SLC30A8: variants seen among roughly 807,000 people sequenced by gnomAD.
SLC30A8 encodes the protein proton-coupled zinc antiporter SLC30A8.
In SLC30A8, 27 loss-of-function variants were observed where a neutral mutation model predicts 36.9. The observed-to-expected ratio is 0.73, with a 90% CI of 0.54 to 1.01. The LOEUF is 1.01. Ranked by LOEUF, SLC30A8 falls within the 50% of genes least tolerant of loss-of-function variation. The pLI, the probability that SLC30A8 is intolerant of heterozygous loss-of-function variation, is 0.00. For missense variants in SLC30A8, 439 were observed against 452.0 expected (o/e 0.97, Z 0.26); for synonymous variants, 164 against 172.4 (o/e 0.95, Z 0.38).
chr8:117,074,582 C>T (rs1434441303), intron 2 of SLC30A8, among the ~76,000 whole-genome samples: 1 of 152,146 alleles, frequency 6.6e-6, no homozygotes, highest in South Asian at 2.1e-4. Context: ...AAATCTTTAT[C>T]ACCAACCCCA....
intron 1 of SLC30A8, among the ~76,000 whole-genome samples, chr8:117,009,358 A>G (rs1430010075): frequency 2.0e-5 from 3 of 152,224 alleles, no homozygotes; most frequent in Non-Finnish European, 2.9e-5. Context: ...CTGAGAGGGA[A>G]GAAAAAAAGA....
At chr8:116,976,035 TTAG>T (rs1202461439) in intron 1 of SLC30A8, among the ~76,000 whole-genome samples, 1 of 152,114 alleles carries the variant, frequency 6.6e-6, no homozygotes, top group East Asian at 1.9e-4. Context: ...GCCAGCAGGC[TTAG>T]GAAGCTTGTC....
At chr8:116,953,425 G>A (rs1456364253) in intron 1 of SLC30A8, among the ~76,000 whole-genome samples, 1 of 151,968 alleles carries the variant, frequency 6.6e-6, no homozygotes, top group African/African-American at 2.4e-5. Context: ...TCCATGCTGA[G>A]TCAAGTAGTG....
At chr8:117,168,387 T>G (rs1475883539) in intron 6 of SLC30A8, among the ~76,000 whole-genome samples, 1 of 152,166 alleles carries the variant, frequency 6.6e-6, no homozygotes, top group Non-Finnish European at 1.5e-5. Flanking sequence ...TCAAATGCAA[T>G]TATTTAATTA....
intron 2 of SLC30A8, among the ~76,000 whole-genome samples, chr8:117,087,003 T>C (rs2130821329): frequency 6.6e-6 from 1 of 152,342 alleles, no homozygotes. Context: ...TGTATGTATA[T>C]AGGCATTTCA....
chr8:116,978,442 A>G (rs1275805578), intron 1 of SLC30A8, among the ~76,000 whole-genome samples: 1 of 142,158 alleles, frequency 7.0e-6, no homozygotes, highest in African/African-American at 3.1e-5. Flanking sequence ...TTGAGCATAC[A>G]TGATGCTTGA....
In SLC30A8 at chr8:117,146,974, C is replaced by T. The variant is rs777302856; in HGVS notation, c.92C>T (p.Pro31Leu). ...CATAGTGTGGAACTCCAACAGAAAC[C>T]GGTGAATAAAGATCAGTGTCCCAGA... Reference protein sequence around the residue: ...TLESVELQQKPVNKDQCPRER... With the variant: ...TLESVELQQKLVNKDQCPRER... Residue 31 changes from proline to leucine, a missense_variant, in exon 2 of 8, where the codon CCG (proline) becomes CTG (leucine). Pro to Leu is a moderately conservative substitution (Grantham distance 98, BLOSUM62 -3). Transcript: ENST00000456015. 1.1e-5 allele frequency: 18 copies of T among 1,613,798 alleles called. No homozygotes were observed. The highest frequency in any genetic ancestry group is 4.4e-5 in the South Asian group (4 of 91,064).
At chr8:117,154,476 T>C (rs1363073691) in intron 3 of SLC30A8, among the ~76,000 whole-genome samples, 1 of 152,206 alleles carries the variant, frequency 6.6e-6, no homozygotes, top group Non-Finnish European at 1.5e-5. Flanking sequence ...TCACAGCTTA[T>C]AGACTGATAA....
chr8:117,046,282 C>T (rs867131095), intron 2 of SLC30A8, among the ~76,000 whole-genome samples: 4 of 152,192 alleles, frequency 2.6e-5, no homozygotes, highest in Admixed American at 6.5e-5. Flanking sequence ...ACCCCCCCAC[C>T]GCCACAGACA....
chr8:117,090,958 T>C (rs1819093855), intron 2 of SLC30A8, among the ~76,000 whole-genome samples: 2 of 152,222 alleles, frequency 1.3e-5, no homozygotes, highest in Non-Finnish European at 2.9e-5. Flanking sequence ...ATAAAGTAGG[T>C]GTTCATAAAA....
intron 1 of SLC30A8, among the ~76,000 whole-genome samples, chr8:116,995,630 T>A (rs183035333): frequency 2.0e-4 from 30 of 152,100 alleles, no homozygotes; most frequent in Non-Finnish European, 1.8e-4. Context: ...ACTGAATGTA[T>A]TGGGGGCACA....
At chr8:116,977,929 A>G (rs1177525476) in intron 1 of SLC30A8, among the ~76,000 whole-genome samples, 2 of 152,088 alleles carry the variant, frequency 1.3e-5, no homozygotes, top group Non-Finnish European at 2.9e-5. Flanking sequence ...TTTCTTAAAG[A>G]TAAGCTGTTT....
At chr8:117,122,704 G>A (rs560002901) in intron 2 of SLC30A8, among the ~76,000 whole-genome samples, 1 of 152,114 alleles carries the variant, frequency 6.6e-6, no homozygotes, top group East Asian at 1.9e-4. Context: ...GCCACACTCA[G>A]GCTCTGGGTG....
At chr8:116,974,243 T>G (rs565981559) in intron 1 of SLC30A8, among the ~76,000 whole-genome samples, 3 of 152,014 alleles carry the variant, frequency 2.0e-5, no homozygotes, top group Non-Finnish European at 4.4e-5. Flanking sequence ...ACCATCAGAG[T>G]GAACAGGCAA....
At chr8:117,068,150 T>G (rs1256760010) in intron 2 of SLC30A8, among the ~76,000 whole-genome samples, 2 of 152,216 alleles carry the variant, frequency 1.3e-5, no homozygotes, top group Non-Finnish European at 2.9e-5. Flanking sequence ...GTCTGAATTC[T>G]TTTTAATGAA....
intron 1 of SLC30A8, chr8:117,006,955 G>GTTTTTTTTTTT (rs869111415): frequency 2.4e-4 from 9 of 38,120 alleles, no homozygotes; most frequent in East Asian, 1.5e-3. Context: ...GCTAATTCTT[G>GTTTTTTTTTTT]TTTTTTTTTT....
At chr8:117,138,060 C>CAAAAAAAA (rs60065374) in intron 1 of SLC30A8, among the ~76,000 whole-genome samples, 5 of 49,894 alleles carry the variant, frequency 1.0e-4, no homozygotes, top group Admixed American at 4.5e-4. Flanking sequence ...TTCATTGTAG[C>CAAAAAAAA]AAAAAAAAAA....
At chr8:117,132,251 A>G (rs969842985), upstream of SLC30A8, among the ~76,000 whole-genome samples, 8 of 152,056 alleles carry the variant, frequency 5.3e-5, no homozygotes, top group Non-Finnish European at 7.4e-5. Context: ...CAAGTGAAAT[A>G]TCCAACAATG....
rs111856752 is a variant in SLC30A8 at position 116,985,960 on chromosome 8, T to C, written c.-266+34841T>C. 5.4e-3 allele frequency among the ~76,000 whole-genome samples: 825 copies of C among 152,290 alleles called. 8 individuals carry two copies. Among genetic ancestry groups the C allele is most frequent in the African/African-American group, 0.019 (777 of 41,562 alleles). The stretch of plus-strand genomic sequence containing the variant: ...AGGTTTTACAAAATAAAAAAGATGC[T>C]TCTGAAACCAACTGGGATGAGTCTT... On this transcript the variant is annotated intron_variant, in intron 1 of 10. Coordinates refer to the SLC30A8 transcript ENST00000427715.
Sources: gnomAD v4.1 joint callset for allele counts (sites outside exome capture counted in the v4.1 genomes callset) on GRCh38, gnomAD v4.1.1 for gene constraint, MANE v1.5 for transcripts, NCBI Gene and HGNC (gene_info 2026-07-23, HGNC 2026-07-21) for gene names.